The following PDZRN4 variants were observed in gnomAD, a reference collection of about 807,000 sequenced individuals.
PDZRN4 encodes the protein PDZ domain containing ring finger 4.
PDZRN4 carries 70 observed loss-of-function variants against 99.0 expected under a neutral mutation model. That is an observed-to-expected ratio of 0.71 (90% CI 0.58 to 0.86). The LOEUF (loss-of-function observed/expected upper bound fraction) is 0.86. PDZRN4 is among the 40% of genes least tolerant of loss of function. The pLI is 0.00. For missense variants in PDZRN4, 1,474 were observed against 1,331.2 expected (o/e 1.11, Z -1.67); for synonymous variants, 551 against 501.6 (o/e 1.10, Z -1.32).
intron 3 of PDZRN4, among the ~76,000 whole-genome samples, chr12:41,233,515 A>C (rs1951044115): frequency 6.6e-6 from 1 of 152,174 alleles, no homozygotes; most frequent in Non-Finnish European, 1.5e-5. Flanking sequence ...ACTATTCACA[A>C]TAGCAAAGAC....
At chr12:41,366,968 A>G (rs1040176482) in intron 3 of PDZRN4, among the ~76,000 whole-genome samples, 3 of 152,058 alleles carry the variant, frequency 2.0e-5, no homozygotes, top group Non-Finnish European at 4.4e-5. Context: ...CAGAGCATGG[A>G]TAGTCCTATG....
intron 3 of PDZRN4, among the ~76,000 whole-genome samples, chr12:41,368,600 C>T (rs1022344504): frequency 6.6e-6 from 1 of 152,072 alleles, no homozygotes; most frequent in Non-Finnish European, 1.5e-5. Context: ...AGCACAGAAG[C>T]CCCAGTCTAG....
At chr12:41,506,384 C>G in intron 3 of PDZRN4, 72 bp from the exon 4 acceptor site, 1 of 1,414,562 alleles carries the variant, frequency 7.1e-7, no homozygotes, top group Non-Finnish European at 9.6e-7. Flanking sequence ...TTCTCTCTGT[C>G]TTTTATTAAT....
At chr12:41,473,020 T>C (rs916447791) in intron 3 of PDZRN4, among the ~76,000 whole-genome samples, 1 of 152,232 alleles carries the variant, frequency 6.6e-6, no homozygotes. Context: ...GCAAATACAC[T>C]TTATTTCAGA....
intron 3 of PDZRN4, among the ~76,000 whole-genome samples, chr12:41,395,914 G>A (rs1430946519): frequency 1.3e-5 from 2 of 151,946 alleles, no homozygotes; most frequent in East Asian, 1.9e-4. Context: ...AGTTTTCTTG[G>A]TAGTACCCTA....
rs10580466 is a variant in PDZRN4 at position 41,520,619 on chromosome 12, G to GACACAC, written c.1203+10746_1203+10751dup. Among the ~76,000 whole-genome samples the GACACAC allele has an allele frequency of 1.6e-3, 224 of 137,364 alleles. 1 individual carries two copies. Among genetic ancestry groups the GACACAC allele is most frequent in the Middle Eastern group, 3.8e-3 (1 of 262 alleles). 90.1% of individuals were successfully genotyped at this position (137,364 alleles called of 152,430 possible). Reference sequence around the variant, plus strand: ...TTTCCAGTAAACATGCCTAAATACAGACACACACACACACACACACACACA... The same window carrying GACACAC: ...TTTCCAGTAAACATGCCTAAATACAGACACACACACACACACACACACACACACACA... On this transcript the variant is annotated intron_variant, in intron 5 of 9. Coordinates refer to ENST00000402685, the MANE Select transcript of PDZRN4 (RefSeq NM_001164595.2).
At chr12:41,383,051 T>C (rs1952138474) in intron 3 of PDZRN4, among the ~76,000 whole-genome samples, 1 of 152,262 alleles carries the variant, frequency 6.6e-6, no homozygotes, top group Admixed American at 6.5e-5. Flanking sequence ...ATTCCATTTT[T>C]ATGATATTAT....
rs991275871 is a variant in PDZRN4, at chr12:41,469,949, TA to T, written c.844-36499del. 9.9e-5 allele frequency among the ~76,000 whole-genome samples: 15 copies of T among 151,582 alleles called. No individual in the cohort carries two copies. In the East Asian group the frequency reaches 1.6e-3, roughly 16 times the overall value. ...CATCTCAAAAATAAAAAATAAAAAA[TA>T]AAAAAAATAAAAATAAATGCTTCAT... On this transcript the variant is annotated intron_variant, in intron 3 of 9. Transcript: ENST00000402685.
intron 5 of PDZRN4, among the ~76,000 whole-genome samples, chr12:41,511,907 A>C (rs1460157894): frequency 6.6e-6 from 1 of 152,114 alleles, no homozygotes; most frequent in Non-Finnish European, 1.5e-5. Context: ...CTAGAAGCAG[A>C]CTGATCTGGT....
intron 3 of PDZRN4, among the ~76,000 whole-genome samples, chr12:41,381,927 T>C (rs1952130210): frequency 1.3e-5 from 2 of 152,152 alleles, no homozygotes; most frequent in Non-Finnish European, 2.9e-5. Context: ...TGGTAGCATT[T>C]ACAGGCAGGT....
chr12:41,535,594 C>T (rs1450589217), intron 5 of PDZRN4, among the ~76,000 whole-genome samples: 1 of 152,194 alleles, frequency 6.6e-6, no homozygotes, highest in Non-Finnish European at 1.5e-5. Context: ...GAAATTTAAT[C>T]TCCCATACTG....
At chr12:41,449,011 C>T (rs779748935) in intron 3 of PDZRN4, among the ~76,000 whole-genome samples, 2 of 152,130 alleles carry the variant, frequency 1.3e-5, no homozygotes, top group Non-Finnish European at 2.9e-5. Flanking sequence ...CATTACCTCG[C>T]TTTATGCAGA....
intron 4 of PDZRN4, chr12:41,509,475 T>TG (rs982335017): frequency 6.1e-6 from 1 of 163,128 alleles, no homozygotes; most frequent in African/African-American, 2.4e-5. Context: ...CACCCACGTA[T>TG]GGAGCTTGTC....
intron 3 of PDZRN4, among the ~76,000 whole-genome samples, chr12:41,311,649 A>G (rs1427925021): frequency 6.6e-6 from 1 of 152,202 alleles, no homozygotes; most frequent in Non-Finnish European, 1.5e-5. Flanking sequence ...ATGTCTTCAT[A>G]CAATGTCAAA....
At chr12:41,308,964 A>G (rs1951588400) in intron 3 of PDZRN4, among the ~76,000 whole-genome samples, 1 of 152,080 alleles carries the variant, frequency 6.6e-6, no homozygotes, top group South Asian at 2.1e-4. Context: ...TCACATTTCC[A>G]TTTGGGAAAA....
intron 5 of PDZRN4, among the ~76,000 whole-genome samples, chr12:41,523,201 C>G (rs1938521144): frequency 6.6e-6 from 1 of 152,040 alleles, no homozygotes; most frequent in African/African-American, 2.4e-5. Flanking sequence ...CTGACTGGCA[C>G]ATACATGGTA....
chr12:41,439,018 CGTG>C (rs1380344419), intron 3 of PDZRN4, among the ~76,000 whole-genome samples: 1 of 152,126 alleles, frequency 6.6e-6, no homozygotes, highest in Non-Finnish European at 1.5e-5. Context: ...TTCCCCCTGA[CGTG>C]ATTCATTTCA....
chr12:41,437,326 T>A (rs1276873998), intron 3 of PDZRN4, among the ~76,000 whole-genome samples: 2 of 152,192 alleles, frequency 1.3e-5, no homozygotes, highest in African/African-American at 4.8e-5. Flanking sequence ...GGTTTAATAA[T>A]GCTAAAAATA....
chr12:41,385,878 G>A lies in PDZRN4; in HGVS notation c.844-120578G>A, dbSNP rs118114403. On this transcript the variant is annotated intron_variant, in intron 3 of 9. Transcript: ENST00000402685. ...GTACAACAAAAAAAGAAAACTTCAG[G>A]CCAATAACCTCGATGAACATACATA... Among the ~76,000 whole-genome samples, 494 of 152,070 alleles carry A rather than the reference G, an allele frequency of 3.2e-3. 18 individuals are homozygous for A. In the East Asian group the frequency reaches 0.088, roughly 27 times the overall value.
Sources: allele counts gnomAD v4.1 joint callset (sites outside exome capture counted in the v4.1 genomes callset), GRCh38; gene constraint gnomAD v4.1.1; transcripts MANE v1.5; gene names NCBI Gene and HGNC (gene_info 2026-07-23, HGNC 2026-07-21).